The following SPAG16 variants were observed in gnomAD, a reference collection of about 807,000 sequenced individuals.
The protein encoded by SPAG16 is sperm-associated antigen 16 protein.
Under a neutral mutation model 80.4 loss-of-function variants are expected in SPAG16, and 86 were observed. The ratio of observed to expected loss-of-function variants is 1.07; its 90% CI spans 0.90 to 1.28. The LOEUF (loss-of-function observed/expected upper bound fraction) is 1.28. SPAG16 is among the 50% of genes most tolerant of loss of function. SPAG16 has a pLI of 0.00. For missense variants in SPAG16, 870 were observed against 765.3 expected, an observed-to-expected ratio of 1.14 and a Z score of -1.61; for synonymous variants, 294 against 265.9, an observed-to-expected ratio of 1.11 and a Z score of -1.03.
At chr2:213,366,886 CATT>C (rs2066325434) in intron 8 of SPAG16, among the ~76,000 whole-genome samples, 1 of 152,080 alleles carries the variant, frequency 6.6e-6, no homozygotes, top group Admixed American at 6.5e-5. Context: ...GTGCTGCACC[CATT>C]AACTCATCAT....
At chr2:214,079,676 G>C (rs183392786) in intron 13 of SPAG16, among the ~76,000 whole-genome samples, 1 of 152,250 alleles carries the variant, frequency 6.6e-6, no homozygotes, top group East Asian at 1.9e-4. Context: ...GAAAGATAAT[G>C]TGGGACCAAT....
chr2:214,349,569 A>G (rs1698270888), intron 15 of SPAG16, among the ~76,000 whole-genome samples: 1 of 152,178 alleles, frequency 6.6e-6, no homozygotes, highest in African/African-American at 2.4e-5. Context: ...CTGTTAGCAT[A>G]TATCTTCATT....
intron 15 of SPAG16, among the ~76,000 whole-genome samples, chr2:214,253,235 T>C (rs561252423): frequency 1.3e-5 from 2 of 152,214 alleles, no homozygotes; most frequent in African/African-American, 4.8e-5. Flanking sequence ...TGAAAAAATA[T>C]TCTCCCATTC....
chr2:213,838,013 G>A lies in SPAG16; in HGVS notation c.1071-24472G>A, dbSNP rs1047132148. On this transcript the variant is annotated intron_variant, in intron 10 of 15. Transcript: ENST00000331683. ...TTCCTGTCTCCAACGTCATATTTTGGGGTGGTATGTCCTGAGCCTCATCAG... is the reference window on the plus strand; with the variant it reads ...TTCCTGTCTCCAACGTCATATTTTGAGGTGGTATGTCCTGAGCCTCATCAG... 3.9e-5 allele frequency among the ~76,000 whole-genome samples: 6 copies of A among 152,234 alleles called. No individual in the cohort carries two copies. In the South Asian group the frequency reaches 1.2e-3, roughly 32 times the overall value.
chr2:213,965,919 AG>A (rs1389168169), intron 12 of SPAG16, among the ~76,000 whole-genome samples: 7 of 152,208 alleles, frequency 4.6e-5, no homozygotes, highest in Non-Finnish European at 1.0e-4. Flanking sequence ...CTGGTTCTGT[AG>A]GAATACTTTC....
chr2:213,796,116 T>C (rs922113935), intron 10 of SPAG16, among the ~76,000 whole-genome samples: 2 of 152,184 alleles, frequency 1.3e-5, no homozygotes, highest in African/African-American at 4.8e-5. Context: ...AAATTTTTAT[T>C]ACAGATCTTT....
intron 13 of SPAG16, among the ~76,000 whole-genome samples, chr2:214,026,763 T>C (rs2048150681): frequency 6.6e-6 from 1 of 151,540 alleles, no homozygotes; most frequent in African/African-American, 2.4e-5. Context: ...ATTGTAGAAC[T>C]GAAGAAAGAT....
chr2:214,064,587 C>G (rs1255532315), intron 13 of SPAG16, among the ~76,000 whole-genome samples: 1 of 151,934 alleles, frequency 6.6e-6, no homozygotes, highest in Non-Finnish European at 1.5e-5. Context: ...TAAACTGTTC[C>G]TCAGTTCATA....
intron 10 of SPAG16, among the ~76,000 whole-genome samples, chr2:213,527,967 A>G (rs1575845936): frequency 6.6e-6 from 1 of 152,350 alleles, no homozygotes; most frequent in East Asian, 1.9e-4. Context: ...AGGCTTGAAA[A>G]AAATCAATAA....
At chr2:213,886,410 G>A (rs1337225408) in intron 11 of SPAG16, among the ~76,000 whole-genome samples, 1 of 152,032 alleles carries the variant, frequency 6.6e-6, no homozygotes, top group Non-Finnish European at 1.5e-5. Context: ...GGGGCATTAA[G>A]CAGGAATAGG....
intron 10 of SPAG16, among the ~76,000 whole-genome samples, chr2:213,775,971 TC>T (rs2069550582): frequency 6.6e-6 from 1 of 152,236 alleles, no homozygotes; most frequent in African/African-American, 2.4e-5. Flanking sequence ...TTGCTTTCTT[TC>T]CAAGGGTTGT....
At chr2:213,973,242 A>G (rs1485458307) in intron 12 of SPAG16, among the ~76,000 whole-genome samples, 1 of 152,052 alleles carries the variant, frequency 6.6e-6, no homozygotes, top group African/African-American at 2.4e-5. Flanking sequence ...TCATTTCCCA[A>G]AGAAATTACC....
At chr2:213,307,600 T>A (rs1481968870) in intron 3 of SPAG16, among the ~76,000 whole-genome samples, 1 of 150,524 alleles carries the variant, frequency 6.6e-6, no homozygotes, top group Non-Finnish European at 1.5e-5. Flanking sequence ...TAATCCAGTC[T>A]ATCATTGTTG....
At chr2:214,340,566 G>A (rs1180686312) in intron 15 of SPAG16, among the ~76,000 whole-genome samples, 2 of 152,186 alleles carry the variant, frequency 1.3e-5, no homozygotes, top group Non-Finnish European at 2.9e-5. Context: ...ATGATGGGCC[G>A]TGGGTGAACT....
chr2:213,764,970 T>C (rs759085395), intron 10 of SPAG16, among the ~76,000 whole-genome samples: 26 of 152,248 alleles, frequency 1.7e-4, no homozygotes, highest in Admixed American at 3.9e-4. Flanking sequence ...AGTGCTCTTC[T>C]GTCACATGAA....
At chr2:213,389,857 T>C (rs1027976409) in intron 9 of SPAG16, among the ~76,000 whole-genome samples, 2 of 152,156 alleles carry the variant, frequency 1.3e-5, no homozygotes, top group African/African-American at 2.4e-5. Context: ...AGAATTACCA[T>C]ATGATCTCAC....
chr2:213,579,993 A>G (rs922359514), intron 10 of SPAG16, among the ~76,000 whole-genome samples: 6 of 152,270 alleles, frequency 3.9e-5, no homozygotes, highest in Non-Finnish European at 7.4e-5. Context: ...TACCCCAAAT[A>G]TGGCACCTTG....
At chr2:214,016,822 T>C (rs2047613976) in intron 13 of SPAG16, among the ~76,000 whole-genome samples, 1 of 152,192 alleles carries the variant, frequency 6.6e-6, no homozygotes, top group South Asian at 2.1e-4. Context: ...GTTGACTCTA[T>C]AAGAAAAGAA....
intron 10 of SPAG16, among the ~76,000 whole-genome samples, chr2:213,648,204 A>C (rs55637823): frequency 0.013 from 1,966 of 152,282 alleles, 46 homozygotes; most frequent in African/African-American, 0.044. Context: ...TAGCAAGCAA[A>C]GTTTTAACAT....
Sources: gnomAD v4.1 joint callset for allele counts (sites outside exome capture counted in the v4.1 genomes callset) on GRCh38, gnomAD v4.1.1 for gene constraint, MANE v1.5 for transcripts, NCBI Gene and HGNC (gene_info 2026-07-23, HGNC 2026-07-21) for gene names.